The following NGLY1 variants were observed in gnomAD, a reference collection of about 807,000 sequenced individuals.
NGLY1 encodes peptide-N(4)-(N-acetyl-beta-glucosaminyl)asparagine amidase.
NGLY1 carries 68 observed loss-of-function variants against 84.6 expected under a neutral mutation model. The observed-to-expected ratio is 0.80, with a 90% CI of 0.66 to 0.98. The LOEUF is 0.98. Among genes scored for constraint, NGLY1 ranks in the 50% least tolerant of loss-of-function variants. The pLI, the probability that NGLY1 is intolerant of heterozygous loss-of-function variation, is 0.00. For missense variants in NGLY1, 779 were observed against 770.2 expected (o/e 1.01, Z -0.14); for synonymous variants, 280 against 275.2 (o/e 1.02, Z -0.17).
At chr3:25,744,769 T>G (rs952052931) in intron 4 of NGLY1, among the ~76,000 whole-genome samples, 2 of 152,190 alleles carry the variant, frequency 1.3e-5, no homozygotes, top group African/African-American at 4.8e-5. Context: ...GATAAAACCT[T>G]TATGCCTTTT....
upstream of NGLY1, among the ~76,000 whole-genome samples, chr3:25,788,141 T>A (rs182734373): frequency 1.5e-3 from 223 of 152,348 alleles, 1 homozygote; most frequent in Non-Finnish European, 2.5e-3. Flanking sequence ...ATACCTCTAC[T>A]CATTTTTGCA....
intron 10 of NGLY1, 95 bp downstream of exon 10, chr3:25,729,038 T>TC: frequency 1.2e-6 from 1 of 806,398 alleles, no homozygotes; most frequent in Non-Finnish European, 1.8e-6. Context: ...GTTTGATATA[T>TC]CAGTTTTCAT....
At chr3:25,743,768 A>AGAAAG (rs745699792) in intron 4 of NGLY1, among the ~76,000 whole-genome samples, 147 of 152,328 alleles carry the variant, frequency 9.7e-4, no homozygotes, top group South Asian at 1.5e-3. Context: ...AAGACCAAGA[A>AGAAAG]GAAAGGAAAG....
intron 2 of NGLY1, among the ~76,000 whole-genome samples, chr3:25,767,869 T>C (rs1439388198): frequency 1.3e-5 from 2 of 151,738 alleles, no homozygotes; most frequent in Non-Finnish European, 2.9e-5. Context: ...TCCCAGCACT[T>C]TGGGGGGCTG....
At chr3:25,736,286 T>C in intron 6 of NGLY1, 137 bp from the exon 7 acceptor site, 1 of 1,550,558 alleles carries the variant, frequency 6.4e-7, no homozygotes, top group Non-Finnish European at 8.7e-7. Flanking sequence ...GTGCATTTTG[T>C]GGCACACAGG....
chr3:25,756,920 A>T (rs1707066102), intron 3 of NGLY1, among the ~76,000 whole-genome samples: 1 of 152,210 alleles, frequency 6.6e-6, no homozygotes, highest in Non-Finnish European at 1.5e-5. Flanking sequence ...TTCCTCTTAT[A>T]CACATCTTAA....
At chr3:25,745,223 T>C (rs1258310023) in intron 4 of NGLY1, among the ~76,000 whole-genome samples, 1 of 152,218 alleles carries the variant, frequency 6.6e-6, no homozygotes, top group Non-Finnish European at 1.5e-5. Context: ...AGCTGAAATG[T>C]GCTGAGTGTG....
At position 25,764,111 on chromosome 3, in the gene NGLY1, TGTGTG is replaced by T; in HGVS notation, c.442_446del (p.His148LysfsTer19). The T allele has an allele frequency of 1.2e-6, 2 of 1,614,238 alleles. No individual in the cohort carries two copies. The highest frequency in any genetic ancestry group is 1.7e-6 in the Non-Finnish European group (2 of 1,180,030). ...CTGATGACTGCCCTTGACGGTTCCT[TGTGTG>T]CTGGTTTAACCCACTGGGATTTGAA... is the stretch of plus-strand genomic sequence containing the variant. On this transcript the variant is annotated frameshift_variant, in exon 3 of 12. Coordinates refer to ENST00000280700, the MANE Select transcript of NGLY1 (RefSeq NM_018297.4). LOFTEE classifies it high-confidence loss of function.
chr3:25,784,325 C>G (rs1387481174), upstream of NGLY1, among the ~76,000 whole-genome samples: 2 of 152,144 alleles, frequency 1.3e-5, no homozygotes, highest in Non-Finnish European at 2.9e-5. Context: ...GCGTAAAACA[C>G]ATGCATAATA....
chr3:25,726,522 T>C (rs1360416445), intron 10 of NGLY1, among the ~76,000 whole-genome samples: 1 of 152,094 alleles, frequency 6.6e-6, no homozygotes, highest in African/African-American at 2.4e-5. Flanking sequence ...AGTGGTAAGG[T>C]TAAGAATAAA....
intron 3 of NGLY1, among the ~76,000 whole-genome samples, chr3:25,758,668 C>A (rs542978400): frequency 1.3e-5 from 2 of 151,908 alleles, no homozygotes; most frequent in South Asian, 4.2e-4. Flanking sequence ...AGTATATTGC[C>A]GTAGTAGTAC....
rs183320485 is a variant in NGLY1 at position 25,769,398 on chromosome 3, C to T, written c.247-5087G>A. On this transcript the variant is annotated intron_variant, in intron 2 of 11. Transcript: ENST00000280700. The stretch of plus-strand genomic sequence containing the variant: ...ATAAAAATAAAAATGAGCAAAAGAT[C>T]TGAATAGACATTTCTCAAAGGAAGA... 2.8e-3 allele frequency among the ~76,000 whole-genome samples: 428 copies of T among 152,078 alleles called. 2 individuals are homozygous for T. Among genetic ancestry groups the T allele is most frequent in the Middle Eastern group, 6.8e-3 (2 of 294 alleles).
rs778431024 is a variant in NGLY1 at position 25,743,064 on chromosome 3, T to G, written c.659-3265A>C. Among the ~76,000 whole-genome samples the G allele has an allele frequency of 6.5e-4, 99 of 151,706 alleles. 1 individual carries two copies. The highest frequency in any genetic ancestry group is 1.6e-4 in the Non-Finnish European group (11 of 67,934). On this transcript the variant is annotated intron_variant, in intron 4 of 11. Transcript: ENST00000280700. ...AATGTGAAGATGGGACAGAGAGAGA[T>G]TTGAAGATGCTGGCCTTAAGACCAG...
intron 4 of NGLY1, among the ~76,000 whole-genome samples, chr3:25,747,061 T>C (rs1413241516): frequency 2.0e-5 from 3 of 152,194 alleles, no homozygotes; most frequent in African/African-American, 7.2e-5. Flanking sequence ...GTCTACAACA[T>C]AATGTTTTAA....
chr3:25,756,682 C>T (rs964158222), intron 3 of NGLY1, among the ~76,000 whole-genome samples: 1 of 152,186 alleles, frequency 6.6e-6, no homozygotes, highest in African/African-American at 2.4e-5. Context: ...TTGATCACTG[C>T]TGCTTGAGTC....
At chr3:25,727,318 T>C (rs1382162783) in intron 10 of NGLY1, among the ~76,000 whole-genome samples, 3 of 152,228 alleles carry the variant, frequency 2.0e-5, no homozygotes, top group Admixed American at 1.3e-4. Flanking sequence ...GGGGTGTGTT[T>C]TCTATTTAAT....
chr3:25,762,594 G>T (rs929228263), intron 3 of NGLY1, among the ~76,000 whole-genome samples: 1 of 152,134 alleles, frequency 6.6e-6, no homozygotes, highest in Non-Finnish European at 1.5e-5. Context: ...GTAGTGTTTA[G>T]AGGCTTTCTG....
At chr3:25,787,031 C>G (rs1708620413), upstream of NGLY1, among the ~76,000 whole-genome samples, 1 of 152,192 alleles carries the variant, frequency 6.6e-6, no homozygotes, top group Admixed American at 6.5e-5. Context: ...GCAGCATCAG[C>G]AGGAAACTTG....
intron 7 of NGLY1, 193 bp downstream of exon 7, chr3:25,735,811 T>C (rs894095939): frequency 2.7e-5 from 13 of 476,354 alleles, no homozygotes; most frequent in Admixed American, 3.8e-5. Flanking sequence ...GGTGAAATGG[T>C]AAACTATGGC....
Sources: allele counts gnomAD v4.1 joint callset (sites outside exome capture counted in the v4.1 genomes callset), GRCh38; gene constraint gnomAD v4.1.1; transcripts MANE v1.5; gene names NCBI Gene and HGNC (gene_info 2026-07-23, HGNC 2026-07-21).